The following TRIM2 variants were observed in gnomAD, a reference collection of about 807,000 sequenced individuals.
The protein encoded by TRIM2 is tripartite motif-containing protein 2.
Under a neutral mutation model 75.2 loss-of-function variants are expected in TRIM2, and 20 were observed. That is an observed-to-expected ratio of 0.27 (90% CI 0.19 to 0.39). The LOEUF is 0.39. Ranked by LOEUF, TRIM2 falls within the 10% of genes least tolerant of loss-of-function variation. The pLI is 1.00. For synonymous variants in TRIM2, 373 were observed against 388.3 expected (o/e 0.96, Z 0.46); for missense variants, 660 against 990.8 (o/e 0.67, Z 4.48).
intron 11 of TRIM2, among the ~76,000 whole-genome samples, chr4:153,330,740 C>G (rs1008822494): frequency 1.3e-5 from 2 of 152,076 alleles, no homozygotes; most frequent in Admixed American, 6.5e-5. Flanking sequence ...TCTATGAAAA[C>G]CATAGCTAAC....
At chr4:153,205,783 G>A (rs183858023) in intron 1 of TRIM2, among the ~76,000 whole-genome samples, 12 of 152,230 alleles carry the variant, frequency 7.9e-5, no homozygotes, top group East Asian at 7.7e-4. Flanking sequence ...TGCTGTTTGC[G>A]GATCCTGGAG....
chr4:153,270,662 T>A, intron 2 of TRIM2, 143 bp downstream of exon 2: 1 of 708,294 alleles, frequency 1.4e-6, no homozygotes, highest in Non-Finnish European at 2.2e-6. Context: ...AAAAACAGAA[T>A]CATGAGTTGC....
intron 1 of TRIM2, among the ~76,000 whole-genome samples, chr4:153,258,116 C>A (rs970317668): frequency 1.3e-5 from 2 of 152,124 alleles, no homozygotes; most frequent in African/African-American, 4.8e-5. Context: ...TTGCAGGATT[C>A]CTTCCTCGCT....
At chr4:153,274,073 GTAATCC>G (rs1350116517) in intron 2 of TRIM2, among the ~76,000 whole-genome samples, 3 of 152,190 alleles carry the variant, frequency 2.0e-5, no homozygotes, top group Non-Finnish European at 4.4e-5. Context: ...TATGAGATGT[GTAATCC>G]ATGTTGCCAT....
intron 1 of TRIM2, among the ~76,000 whole-genome samples, chr4:153,210,608 AT>A (rs1284801249): frequency 6.6e-6 from 1 of 152,108 alleles, no homozygotes; most frequent in East Asian, 1.9e-4. Context: ...CTCTCAAAAT[AT>A]TTGATTCTTG....
intron 1 of TRIM2, among the ~76,000 whole-genome samples, chr4:153,192,520 C>A (rs944417067): frequency 3.3e-5 from 5 of 150,270 alleles, no homozygotes; most frequent in Non-Finnish European, 7.4e-5. Flanking sequence ...GGTGGGAGGA[C>A]CACCTGAGCC....
chr4:153,328,955 T>C (rs533106518), intron 11 of TRIM2, among the ~76,000 whole-genome samples: 33 of 152,318 alleles, frequency 2.2e-4, no homozygotes, highest in African/African-American at 7.5e-4. Context: ...CATTATTATA[T>C]TTATGAACCT....
intron 1 of TRIM2, among the ~76,000 whole-genome samples, chr4:153,182,244 A>T (rs1732142594): frequency 6.6e-6 from 1 of 152,182 alleles, no homozygotes; most frequent in Non-Finnish European, 1.5e-5. Context: ...GCCAGATACC[A>T]TTGGATCTGC....
At chr4:153,282,174 G>T (rs547358017) in intron 3 of TRIM2, among the ~76,000 whole-genome samples, 1 of 152,314 alleles carries the variant, frequency 6.6e-6, no homozygotes, top group Non-Finnish European at 1.5e-5. Flanking sequence ...TCATCTCACT[G>T]GAGATGGATG....
chr4:153,289,672 T>C (rs1359582086), intron 3 of TRIM2, among the ~76,000 whole-genome samples: 3 of 152,216 alleles, frequency 2.0e-5, no homozygotes, highest in East Asian at 1.9e-4. Flanking sequence ...ACAAATATGA[T>C]ATAGTATTTG....
At chr4:153,222,457 G>A (rs977274421) in intron 1 of TRIM2, 4 of 152,290 alleles carry the variant, frequency 2.6e-5, no homozygotes, top group African/African-American at 9.7e-5. Flanking sequence ...CTTGGAGGCT[G>A]GCTGCAGGAG....
chr4:153,295,335 C>G lies in TRIM2; in HGVS notation c.809C>G (p.Thr270Ser), dbSNP rs1373815554. ...CAGGTCCTCCAGTCGCAGCTGGATA[C>G]TCTGCTCCAGGGGCAGGAGAGCATT... ...KHKVLQSQLD[T>S]LLQGQESIKS... The change falls in exon 6 of 12, where the codon ACT (threonine) becomes AGT (serine). Residue 270 changes from threonine to serine, a missense_variant. Around this residue, in one of 2 missense-constraint regions of TRIM2, gnomAD observed 620 missense variants for 891.0 expected, o/e 0.70. Transcript: ENST00000338700. The surrounding 1 kb of genome is among the most constrained non-coding windows in gnomAD (Gnocchi z 7.2). 6.2e-7 allele frequency: 1 copy of G among 1,607,644 alleles called. No individual in the cohort carries two copies. Among genetic ancestry groups the G allele is most frequent in the Admixed American group, 1.7e-5 (1 of 59,292 alleles).
upstream of TRIM2, among the ~76,000 whole-genome samples, chr4:153,202,874 A>T (rs559119676): frequency 6.6e-6 from 1 of 152,036 alleles, no homozygotes; most frequent in South Asian, 2.1e-4. Context: ...TGGGAGGCCG[A>T]GGTGGGCAGA....
At chr4:153,203,928 A>G (rs114344361), upstream of TRIM2, among the ~76,000 whole-genome samples, 3,743 of 152,212 alleles carry the variant, frequency 0.025, 82 homozygotes, top group South Asian at 0.13. Flanking sequence ...TAAAATAAAG[A>G]TGTGCCAATC....
upstream of TRIM2, among the ~76,000 whole-genome samples, chr4:153,200,934 G>A (rs891615817): frequency 1.3e-5 from 2 of 151,412 alleles, no homozygotes; most frequent in Non-Finnish European, 2.9e-5. Flanking sequence ...TTACAGGTAT[G>A]AGCCACCACG....
intron 2 of TRIM2, among the ~76,000 whole-genome samples, chr4:153,275,546 G>A (rs754449614): frequency 2.0e-5 from 3 of 152,214 alleles, no homozygotes; most frequent in Admixed American, 6.5e-5. Context: ...CACATGGGGA[G>A]CTGACTCAGC....
chr4:153,295,965 G>C lies in TRIM2; in HGVS notation c.1439G>C (p.Arg480Thr). The C allele has an allele frequency of 6.4e-7, 1 of 1,570,396 alleles. No homozygotes were observed. Among genetic ancestry groups the C allele is most frequent in the Non-Finnish European group, 8.6e-7 (1 of 1,161,142 alleles). ...CACGTCAAGCAGAAAGCTGTGAAAA[G>C]ACCCGCAAGCATGTACAGCACTGGA... ...SGHVKQKAVK[R>T]PASMYSTGKR... is the part of the protein sequence containing the mutation. Residue 480 changes from arginine to threonine, a missense_variant, in exon 6 of 12, where the codon AGA becomes ACA. Arg to Thr is a moderately conservative substitution (Grantham distance 71, BLOSUM62 -1). This residue lies in a region of TRIM2 where 620 missense variants were observed against 891.0 expected (regional missense o/e 0.70). Coordinates refer to ENST00000338700, the MANE Select transcript of TRIM2 (RefSeq NM_015271.5). The surrounding 1 kb of genome is among the most constrained non-coding windows in gnomAD (Gnocchi z 7.2).
intron 1 of TRIM2, among the ~76,000 whole-genome samples, chr4:153,244,461 A>C (rs1748533005): frequency 7.3e-6 from 1 of 137,052 alleles, no homozygotes; most frequent in Non-Finnish European, 1.5e-5. Flanking sequence ...AGGCCTCACT[A>C]TGTTGCCCGA....
chr4:153,183,967 A>G (rs1290267444), intron 1 of TRIM2, among the ~76,000 whole-genome samples: 1 of 152,120 alleles, frequency 6.6e-6, no homozygotes, highest in African/African-American at 2.4e-5. Flanking sequence ...AATATTGCCT[A>G]CCTCATAGGG....
Sources: allele counts gnomAD v4.1 joint callset (sites outside exome capture counted in the v4.1 genomes callset), GRCh38; gene constraint gnomAD v4.1.1; regional missense constraint gnomAD v4.1.1; non-coding constraint Gnocchi (gnomAD v3.1); transcripts MANE v1.5; gene names NCBI Gene and HGNC (gene_info 2026-07-23, HGNC 2026-07-21).